The following PACSIN1 variants were observed in gnomAD, a reference collection of about 807,000 sequenced individuals.
The protein encoded by PACSIN1 is protein kinase C and casein kinase substrate in neurons protein 1.
A neutral mutation model predicts 59.5 loss-of-function variants in PACSIN1; 15 were observed. That is an observed-to-expected ratio of 0.25 (90% confidence interval 0.17 to 0.39). The LOEUF (loss-of-function observed/expected upper bound fraction) is 0.39, where lower values mean the gene tolerates loss of function less well. PACSIN1 is among the 10% of genes least tolerant of loss of function. The probability of loss-of-function intolerance (pLI) is 1.00; values close to 1 mark genes in which losing one functional copy is unlikely to be tolerated. For synonymous variants in PACSIN1, 210 were observed against 220.6 expected, an observed-to-expected ratio of 0.95 and a Z score of 0.42; for missense variants, 420 against 580.2, an observed-to-expected ratio of 0.72 and a Z score of 2.84.
In PACSIN1 at chr6:34,527,382, A is replaced by G; in HGVS notation, c.114A>G (p.Leu38=). The change falls in exon 3 of 10, where the codon CTA becomes CTG. Residue 38 remains leucine (L), a synonymous_variant. Coordinates refer to ENST00000244458, the MANE Select transcript of PACSIN1 (RefSeq NM_020804.5). ...AGCGCATCGATGACGGCCACCGTCTATGCAACGACCTGATGAACTGCGTGC... is the reference window on the plus strand; with the variant it reads ...AGCGCATCGATGACGGCCACCGTCTGTGCAACGACCTGATGAACTGCGTGC... ...TVKRIDDGHR[L]CNDLMNCVQE... is the part of the protein sequence containing the mutation. The G allele has an allele frequency of 6.2e-7, 1 of 1,600,944 alleles. No homozygotes were observed. The highest frequency in any genetic ancestry group is 8.5e-7 in the Non-Finnish European group (1 of 1,174,920).
chr6:34,504,742 C>A (rs139363565), intron 1 of PACSIN1, among the ~76,000 whole-genome samples: 1 of 152,194 alleles, frequency 6.6e-6, no homozygotes, highest in African/African-American at 2.4e-5. Flanking sequence ...TCTTTCCTTT[C>A]GGTTTCAAGA....
chr6:34,501,378 G>A (rs187912387), intron 1 of PACSIN1, among the ~76,000 whole-genome samples: 3 of 152,292 alleles, frequency 2.0e-5, no homozygotes, highest in African/African-American at 7.2e-5. Context: ...TGCTAATCTG[G>A]TCCAACCCCC....
rs979111654 is a variant in PACSIN1, at chr6:34,516,135, C to A, written c.-63-10108C>A. ...TGCCCTTCTCCACCTGCTTTCTCTCCCGCACCCCCTGAGAGCCCAGCTGGG... is the reference window on the plus strand; with the variant it reads ...TGCCCTTCTCCACCTGCTTTCTCTCACGCACCCCCTGAGAGCCCAGCTGGG... On this transcript the variant is annotated intron_variant, in intron 1 of 9. Transcript: ENST00000244458. This position sits in a 1 kb window ranked among gnomAD's most constrained non-coding sequence, Gnocchi z 5.4. Among the ~76,000 whole-genome samples the A allele has an allele frequency of 2.0e-5, 3 of 152,110 alleles. No homozygotes were observed. The highest frequency in any genetic ancestry group is 7.2e-5 in the African/African-American group (3 of 41,410).
chr6:34,505,374 C>T (rs1051122099), intron 1 of PACSIN1, among the ~76,000 whole-genome samples: 2 of 151,926 alleles, frequency 1.3e-5, no homozygotes, highest in African/African-American at 4.8e-5. Flanking sequence ...CATTGTTTGT[C>T]TTTTGCCAAG....
At chr6:34,478,167 C>T (rs538412657) in intron 1 of PACSIN1, among the ~76,000 whole-genome samples, 1 of 150,666 alleles carries the variant, frequency 6.6e-6, no homozygotes, top group Admixed American at 6.7e-5. Flanking sequence ...TCCAGCGATT[C>T]TCCTGCCTCA....
intron 1 of PACSIN1, among the ~76,000 whole-genome samples, chr6:34,493,292 C>T (rs1264847194): frequency 6.6e-6 from 1 of 152,224 alleles, no homozygotes; most frequent in East Asian, 1.9e-4. Flanking sequence ...ACATTGTACA[C>T]AGTATATCTG....
At position 34,524,208 on chromosome 6, in the gene PACSIN1, ATTT is replaced by A. The variant is rs1767445576; in HGVS notation, c.-63-2033_-63-2031del. On this transcript the variant is annotated intron_variant, in intron 1 of 9. Coordinates refer to ENST00000244458, the MANE Select transcript of PACSIN1 (RefSeq NM_020804.5). ...TAGAGAGTGGTCTCAGCCATTGGGT[ATTT>A]TGGCCTGACATACCAGGTCTCAGCT... Among the ~76,000 whole-genome samples the A allele has an allele frequency of 6.6e-5, 10 of 152,194 alleles. No individual in the cohort carries two copies. In the South Asian group the frequency reaches 1.0e-3, roughly 16 times the overall value.
intron 1 of PACSIN1, among the ~76,000 whole-genome samples, chr6:34,497,938 G>A (rs1268935505): frequency 6.6e-6 from 1 of 152,138 alleles, no homozygotes; most frequent in African/African-American, 2.4e-5. Flanking sequence ...AGTAGACAAC[G>A]GTTTCATTCC....
Position 34,527,487 on chromosome 6 carries a change from A to G in PACSIN1, c.219A>G (p.Lys73=). The G allele has an allele frequency of 6.3e-7, 1 of 1,589,556 alleles. No homozygotes were observed. Among genetic ancestry groups the G allele is most frequent in the Non-Finnish European group, 8.5e-7 (1 of 1,169,944 alleles). ...AGCGTTGGCGCCAGCTCATCGAGAAAGGTGCTCCCCCAGGCTCACATCGTG... is the reference window on the plus strand; with the variant it reads ...AGCGTTGGCGCCAGCTCATCGAGAAGGGTGCTCCCCCAGGCTCACATCGTG... The part of the protein sequence containing the change: ...WAKRWRQLIE[K]GPQYGSLERA... Residue 73 remains lysine, a splice_region_variant and synonymous_variant, in exon 3 of 10, where the codon AAA becomes AAG. Coordinates refer to ENST00000244458, the MANE Select transcript of PACSIN1 (RefSeq NM_020804.5).
rs540383768 is a variant in PACSIN1 at position 34,475,913 on chromosome 6, A to G, written c.-64+9643A>G. On this transcript the variant is annotated intron_variant, in intron 1 of 9. Coordinates refer to ENST00000244458, the MANE Select transcript of PACSIN1 (RefSeq NM_020804.5). Reference sequence around the variant, plus strand: ...GGTTGCACAGCCAGGAAGGGGTTAGATTTAAGCTCAAATTCTTACTCAGGA... The same window carrying G: ...GGTTGCACAGCCAGGAAGGGGTTAGGTTTAAGCTCAAATTCTTACTCAGGA... Among the ~76,000 whole-genome samples the G allele has an allele frequency of 6.6e-5, 10 of 152,312 alleles. No homozygotes were observed. The East Asian group carries it at 1.3e-3, about 21-fold the overall frequency.
intron 1 of PACSIN1, among the ~76,000 whole-genome samples, chr6:34,520,853 C>G (rs1302156637): frequency 1.3e-5 from 2 of 151,994 alleles, no homozygotes; most frequent in Non-Finnish European, 2.9e-5. Context: ...GCGGGTGGGA[C>G]TCGGGACCCC....
At chr6:34,528,616 CT>C in intron 3 of PACSIN1, 25 bp from the exon 4 acceptor site, 1 of 1,578,232 alleles carries the variant, frequency 6.3e-7, no homozygotes, top group Non-Finnish European at 8.7e-7. Flanking sequence ...CAATGAGGTT[CT>C]TGTGACCTAT....
At position 34,530,429 on chromosome 6, in the gene PACSIN1, C is replaced by G. The variant is rs755674438; in HGVS notation, c.910-31C>G. On this transcript the variant is annotated intron_variant, in intron 7 of 9. Coordinates refer to ENST00000244458, the MANE Select transcript of PACSIN1 (RefSeq NM_020804.5). This position sits in a 1 kb window ranked among gnomAD's most constrained non-coding sequence, Gnocchi z 4.4. ...TGAAAGGTGCCTCAGGGCATAGTCC[C>G]CCAGCCTGACTGCTCCACTGGCCCC... The G allele has an allele frequency of 1.9e-6, 3 of 1,597,770 alleles. No individual in the cohort carries two copies. Among genetic ancestry groups the G allele is most frequent in the Non-Finnish European group, 2.6e-6 (3 of 1,169,186 alleles).
intron 1 of PACSIN1, among the ~76,000 whole-genome samples, chr6:34,466,572 G>A (rs556145370): frequency 6.6e-6 from 1 of 152,352 alleles, no homozygotes; most frequent in East Asian, 1.9e-4. Context: ...TTGGGAAGCT[G>A]GGGCCTGGGC....
chr6:34,483,459 G>T (rs981600269), intron 1 of PACSIN1, among the ~76,000 whole-genome samples: 3 of 152,050 alleles, frequency 2.0e-5, no homozygotes, highest in African/African-American at 7.2e-5. Context: ...CTTGCGCAGG[G>T]CCACGTAGCC....
chr6:34,485,573 C>G (rs374825903), intron 1 of PACSIN1, among the ~76,000 whole-genome samples: 1 of 152,168 alleles, frequency 6.6e-6, no homozygotes, highest in South Asian at 2.1e-4. Flanking sequence ...GGGCAGTCAT[C>G]TGGGGACATG....
At position 34,518,938 on chromosome 6, in the gene PACSIN1, C is replaced by A. The variant is rs1031413378; in HGVS notation, c.-63-7305C>A. ...AGGCCCTCTAAAGATGTGGGCTGTGCAAAATGGTGTCTTGTCTACTTGGCT... is the reference window on the plus strand; with the variant it reads ...AGGCCCTCTAAAGATGTGGGCTGTGAAAAATGGTGTCTTGTCTACTTGGCT... On this transcript the variant is annotated intron_variant, in intron 1 of 9. Transcript: ENST00000244458. This position sits in a 1 kb window ranked among gnomAD's most constrained non-coding sequence, Gnocchi z 4.4. Among the ~76,000 whole-genome samples the A allele has an allele frequency of 2.0e-5, 3 of 152,168 alleles. No individual in the cohort carries two copies. The highest frequency in any genetic ancestry group is 7.2e-5 in the African/African-American group (3 of 41,440).
In PACSIN1 at chr6:34,486,055, C is replaced by A. The variant is rs559630885; in HGVS notation, c.-64+19785C>A. 5.9e-5 allele frequency among the ~76,000 whole-genome samples: 9 copies of A among 152,266 alleles called. No homozygotes were observed. In the East Asian group the frequency reaches 1.2e-3, roughly 20 times the overall value. The stretch of plus-strand genomic sequence containing the variant: ...AAATGAGAGAAACAACAGCATGATT[C>A]TCTCTGGGTGGGAAAGATTCTCATG... On this transcript the variant is annotated intron_variant, in intron 1 of 9. Transcript: ENST00000244458.
chr6:34,489,436 G>T (rs1766839813), intron 1 of PACSIN1, among the ~76,000 whole-genome samples: 1 of 152,142 alleles, frequency 6.6e-6, no homozygotes, highest in African/African-American at 2.4e-5. Context: ...CAGCAGTGCT[G>T]GGTGGTGCGG....
Sources: allele counts gnomAD v4.1 joint callset (sites outside exome capture counted in the v4.1 genomes callset), GRCh38; gene constraint gnomAD v4.1.1; non-coding constraint Gnocchi (gnomAD v3.1); transcripts MANE v1.5; gene names NCBI Gene and HGNC (gene_info 2026-07-23, HGNC 2026-07-21).